The following ELF2 variants were observed in gnomAD, a reference collection of about 807,000 sequenced individuals.
ELF2 encodes E74 like ETS transcription factor 2.
In ELF2, 11 loss-of-function variants were observed where a neutral mutation model predicts 54.8. That is an observed-to-expected ratio of 0.20 (90% CI 0.13 to 0.33). ELF2 has a LOEUF of 0.33. Among genes scored for constraint, ELF2 ranks in the 10% least tolerant of loss-of-function variants. The pLI is 1.00. For synonymous variants in ELF2, 203 were observed against 245.1 expected, an observed-to-expected ratio of 0.83 and a Z score of 1.61; for missense variants, 513 against 703.0, an observed-to-expected ratio of 0.73 and a Z score of 3.06.
chr4:139,137,474 T>C (rs1382221313), intron 3 of ELF2, 156 bp downstream of exon 3: 7 of 726,048 alleles, frequency 9.6e-6, no homozygotes, highest in Non-Finnish European at 1.6e-5. Flanking sequence ...CTTGACCTTC[T>C]ATTACCTAAA....
chr4:139,070,653 A>G (rs997083502), intron 6 of ELF2, among the ~76,000 whole-genome samples: 4 of 152,216 alleles, frequency 2.6e-5, no homozygotes, highest in African/African-American at 9.7e-5. Context: ...CAACCAGCCA[A>G]GTGCTATAGC....
At chr4:139,068,360 T>C (rs1211826120) in intron 6 of ELF2, among the ~76,000 whole-genome samples, 2 of 152,206 alleles carry the variant, frequency 1.3e-5, no homozygotes, top group African/African-American at 4.8e-5. Flanking sequence ...AAACAAATCC[T>C]AGTAAAAACT....
intron 1 of ELF2, among the ~76,000 whole-genome samples, chr4:139,175,439 G>T (rs1009653006): frequency 6.6e-6 from 1 of 152,042 alleles, no homozygotes; most frequent in Non-Finnish European, 1.5e-5. Flanking sequence ...ACTAGATATC[G>T]TCTCAATAAT....
intron 6 of ELF2, 144 bp downstream of exon 6, chr4:139,071,722 A>T (rs1015549559): frequency 2.2e-5 from 17 of 785,496 alleles, no homozygotes; most frequent in Non-Finnish European, 3.1e-5. Context: ...TTAAAATCTC[A>T]ATGTTGATTC....
In ELF2 at chr4:139,073,485, A is replaced by G. The variant is rs1247300881; in HGVS notation, c.321T>C (p.Ser107=). ...EAAEALLHME[S]PTCLRDSRSP... ...TTCTTGAATCCCTCAAGCAGGTAGG[A>G]GATTCCATATGAAGCAGGGCTTCAG... The change falls in exon 5 of 10, where the codon TCT becomes TCC. Residue 107 remains serine (S), a synonymous_variant. Transcript: ENST00000686138. 2 of 1,608,970 alleles carry G rather than the reference A, an allele frequency of 1.2e-6. No homozygotes were observed. The highest frequency in any genetic ancestry group is 1.7e-6 in the Non-Finnish European group (2 of 1,176,676).
intron 4 of ELF2, among the ~76,000 whole-genome samples, chr4:139,080,395 T>C (rs979521364): frequency 2.6e-5 from 4 of 152,186 alleles, no homozygotes; most frequent in African/African-American, 9.6e-5. Context: ...TTTTTTTCAA[T>C]TTGATCTTTT....
Position 139,126,432 on chromosome 4 carries a change from T to C in ELF2, c.73-1103A>G, listed in dbSNP as rs115458657. Reference sequence around the variant, plus strand: ...ACAAGAAAGAAGTAAATCAATAAAATTTTCTAAGACTGAAGGATATAAGCC... The same window carrying C: ...ACAAGAAAGAAGTAAATCAATAAAACTTTCTAAGACTGAAGGATATAAGCC... On this transcript the variant is annotated intron_variant, in intron 3 of 9. Transcript: ENST00000686138. Among the ~76,000 whole-genome samples, 673 of 150,670 alleles carry C rather than the reference T, an allele frequency of 4.5e-3. 9 individuals carry two copies. The highest frequency in any genetic ancestry group is 0.016 in the African/African-American group (639 of 41,224).
chr4:139,083,103 A>G (rs996431958), intron 4 of ELF2, among the ~76,000 whole-genome samples: 1 of 151,554 alleles, frequency 6.6e-6, no homozygotes, highest in Non-Finnish European at 1.5e-5. Context: ...AACACCTCAG[A>G]GAGCAGATTG....
chr4:139,115,248 G>A (rs567124924), intron 4 of ELF2: 4 of 1,609,040 alleles, frequency 2.5e-6, no homozygotes, highest in Admixed American at 1.7e-5. Flanking sequence ...CGTCCGCGCC[G>A]CCCGGGCCCT....
chr4:139,090,035 C>T (rs535045118), intron 4 of ELF2, among the ~76,000 whole-genome samples: 4 of 152,254 alleles, frequency 2.6e-5, no homozygotes, highest in Non-Finnish European at 4.4e-5. Flanking sequence ...GCTCAAGAGA[C>T]CCTCCACCTC....
At chr4:139,104,508 C>CAAAAAAAAAAAAAAAAAAAAAA (rs34642901) in intron 4 of ELF2, among the ~76,000 whole-genome samples, 2 of 76,808 alleles carry the variant, frequency 2.6e-5, no homozygotes, top group Non-Finnish European at 5.1e-5. Flanking sequence ...GACTCTGTCT[C>CAAAAAAAAAAAAAAAAAAAAAA]AAAAAAAAAA....
At chr4:139,171,492 C>T (rs937590795) in intron 1 of ELF2, among the ~76,000 whole-genome samples, 9 of 151,708 alleles carry the variant, frequency 5.9e-5, no homozygotes, top group Non-Finnish European at 1.3e-4. Flanking sequence ...ATTGCAACTT[C>T]GGGCATAAAT....
chr4:139,100,080 T>C (rs1733712341), intron 4 of ELF2, among the ~76,000 whole-genome samples: 1 of 152,232 alleles, frequency 6.6e-6, no homozygotes, highest in Non-Finnish European at 1.5e-5. Context: ...AGGGATATTA[T>C]ATAATGCATC....
chr4:139,087,262 C>T lies in ELF2; in HGVS notation c.239-13695G>A, dbSNP rs1469073093. On this transcript the variant is annotated intron_variant, in intron 4 of 9. Transcript: ENST00000686138. The stretch of plus-strand genomic sequence containing the variant: ...GAAGACTGTCAGCTAAGTATTGCAG[C>T]TAGTCATTAATTAATTCAGTAATTC... Among the ~76,000 whole-genome samples, 4 of 152,292 alleles carry T rather than the reference C, an allele frequency of 2.6e-5. No homozygotes were observed. The South Asian group carries it at 8.3e-4, about 32-fold the overall frequency.
At chr4:139,126,472 AC>A (rs1246394598) in intron 3 of ELF2, among the ~76,000 whole-genome samples, 1 of 152,186 alleles carries the variant, frequency 6.6e-6, no homozygotes, top group Non-Finnish European at 1.5e-5. Context: ...ATTTGAAAGG[AC>A]CCACCAAGTG....
intron 4 of ELF2, among the ~76,000 whole-genome samples, chr4:139,114,240 A>AT (rs1015540541): frequency 6.6e-6 from 1 of 152,048 alleles, no homozygotes; most frequent in Admixed American, 6.6e-5. Flanking sequence ...TGGTTATATG[A>AT]TTTTTTTACT....
At chr4:139,176,744 T>C (rs1357799189) in intron 1 of ELF2, among the ~76,000 whole-genome samples, 1 of 150,658 alleles carries the variant, frequency 6.6e-6, no homozygotes, top group African/African-American at 2.4e-5. Context: ...TTTCTCCAAG[T>C]CCCGCTCCGC....
chr4:139,157,371 TTAGA>T (rs767412394), intron 1 of ELF2, among the ~76,000 whole-genome samples: 1 of 152,134 alleles, frequency 6.6e-6, no homozygotes, highest in Non-Finnish European at 1.5e-5. Context: ...AGAAATGAAC[TTAGA>T]TAACTTGTGA....
At chr4:139,159,941 T>G (rs188690696) in intron 1 of ELF2, among the ~76,000 whole-genome samples, 376 of 152,302 alleles carry the variant, frequency 2.5e-3, no homozygotes, top group Non-Finnish European at 4.2e-3. Context: ...GTAGTCCCTT[T>G]GCAAGAGTGA....
Sources: allele counts gnomAD v4.1 joint callset (sites outside exome capture counted in the v4.1 genomes callset), GRCh38; gene constraint gnomAD v4.1.1; transcripts MANE v1.5; gene names NCBI Gene and HGNC (gene_info 2026-07-23, HGNC 2026-07-21).